OTUD7A: variants seen among roughly 807,000 people sequenced by gnomAD.
OTUD7A encodes OTU domain-containing protein 7A.
In OTUD7A, 12 loss-of-function variants were observed where a neutral mutation model predicts 65.7. That is an observed-to-expected ratio of 0.18 (90% CI 0.12 to 0.30). OTUD7A has a LOEUF of 0.30. OTUD7A is among the 10% of genes least tolerant of loss of function. The pLI, the probability that OTUD7A is intolerant of heterozygous loss-of-function variation, is 1.00. For missense variants in OTUD7A, 1,148 were observed against 1,304.8 expected (o/e 0.88, Z 1.85); for synonymous variants, 641 against 586.3 (o/e 1.09, Z -1.35).
chr15:31,761,123 G>T (rs1055636265), intron 1 of OTUD7A, among the ~76,000 whole-genome samples: 2 of 152,118 alleles, frequency 1.3e-5, no homozygotes, highest in South Asian at 4.2e-4. Context: ...CTTGAGTTAG[G>T]CAATAATTTT....
At chr15:31,696,118 G>T (rs866633456) in intron 1 of OTUD7A, among the ~76,000 whole-genome samples, 4 of 150,956 alleles carry the variant, frequency 2.6e-5, no homozygotes, top group Non-Finnish European at 1.5e-5. Context: ...GTGTAGCTGT[G>T]GGTGTGAGTG....
At chr15:31,822,711 G>A (rs559205134) in intron 1 of OTUD7A, among the ~76,000 whole-genome samples, 2 of 152,342 alleles carry the variant, frequency 1.3e-5, no homozygotes, top group East Asian at 3.9e-4. Flanking sequence ...ATCAGCAATT[G>A]TAGAGCCTGA....
At chr15:31,710,063 G>A (rs537345310) in intron 1 of OTUD7A, among the ~76,000 whole-genome samples, 1 of 152,242 alleles carries the variant, frequency 6.6e-6, no homozygotes, top group South Asian at 2.1e-4. Context: ...AAAAGAATAC[G>A]ACAAATAGAG....
chr15:31,609,115 G>T (rs1890322709), intron 3 of OTUD7A, among the ~76,000 whole-genome samples: 1 of 152,216 alleles, frequency 6.6e-6, no homozygotes, highest in Admixed American at 6.5e-5. Context: ...CCCCAAGCAG[G>T]CCATTCTTGC....
At chr15:31,631,221 T>C (rs1891142003) in intron 3 of OTUD7A, among the ~76,000 whole-genome samples, 1 of 152,190 alleles carries the variant, frequency 6.6e-6, no homozygotes. Context: ...TTGCAGTGGC[T>C]GGTACCAGTT....
At chr15:31,854,858 C>A (rs945668620) in intron 1 of OTUD7A, among the ~76,000 whole-genome samples, 1 of 147,268 alleles carries the variant, frequency 6.8e-6, no homozygotes, top group Non-Finnish European at 1.5e-5. Flanking sequence ...CATAAACCAA[C>A]AGAAAGAGAA....
At chr15:31,620,171 G>C (rs1231053736) in intron 3 of OTUD7A, among the ~76,000 whole-genome samples, 1 of 152,210 alleles carries the variant, frequency 6.6e-6, no homozygotes, top group Non-Finnish European at 1.5e-5. Flanking sequence ...CGGTCTGCCA[G>C]TATTTTATTG....
chr15:31,799,526 G>A (rs1325751219), intron 1 of OTUD7A, among the ~76,000 whole-genome samples: 1 of 152,102 alleles, frequency 6.6e-6, no homozygotes, highest in Non-Finnish European at 1.5e-5. Context: ...TATAAGAAGA[G>A]ATTCTGTCCC....
intron 1 of OTUD7A, among the ~76,000 whole-genome samples, chr15:31,757,352 ATT>A (rs1491435422): frequency 6.7e-6 from 1 of 148,662 alleles, no homozygotes; most frequent in African/African-American, 2.5e-5. Flanking sequence ...TAATATATAT[ATT>A]ATATATATAT....
chr15:31,517,037 A>G (rs2141106511), intron 8 of OTUD7A, among the ~76,000 whole-genome samples: 1 of 152,348 alleles, frequency 6.6e-6, no homozygotes, highest in East Asian at 1.9e-4. Flanking sequence ...TCAGGTAAGA[A>G]AAAACTAGAC....
intron 5 of OTUD7A, chr15:31,558,716 C>T: frequency 1.7e-6 from 1 of 573,552 alleles, no homozygotes; most frequent in Non-Finnish European, 3.1e-6. Flanking sequence ...TAAAGGAGGA[C>T]TGGGATTTAG....
intron 10 of OTUD7A, among the ~76,000 whole-genome samples, chr15:31,493,720 A>C (rs2041348567): frequency 6.6e-6 from 1 of 152,230 alleles, no homozygotes; most frequent in African/African-American, 2.4e-5. Context: ...ACAATCCCCC[A>C]AAACTTGAAA....
intron 1 of OTUD7A, among the ~76,000 whole-genome samples, chr15:31,707,928 A>AG (rs1190775519): frequency 2.0e-5 from 3 of 152,152 alleles, no homozygotes; most frequent in South Asian, 4.1e-4. Flanking sequence ...CTATGGTAAA[A>AG]CATAAATATA....
intron 1 of OTUD7A, among the ~76,000 whole-genome samples, chr15:31,729,953 C>G (rs1893995517): frequency 6.6e-6 from 1 of 152,148 alleles, no homozygotes; most frequent in South Asian, 2.1e-4. Flanking sequence ...CTAATGATTC[C>G]TGTTATGAAC....
intron 1 of OTUD7A, among the ~76,000 whole-genome samples, chr15:31,773,369 A>G (rs1401006569): frequency 6.6e-6 from 1 of 152,202 alleles, no homozygotes; most frequent in Non-Finnish European, 1.5e-5. Context: ...TCCAACATCA[A>G]GGCACCTGCA....
intron 1 of OTUD7A, among the ~76,000 whole-genome samples, chr15:31,741,058 C>G (rs1777739818): frequency 6.6e-6 from 1 of 152,162 alleles, no homozygotes; most frequent in Non-Finnish European, 1.5e-5. Context: ...ACAAAATGCT[C>G]TTAGTACAAA....
At chr15:31,531,520 C>CAAAAAAAAAAA (rs60332452) in intron 5 of OTUD7A, among the ~76,000 whole-genome samples, 9 of 80,134 alleles carry the variant, frequency 1.1e-4, no homozygotes, top group East Asian at 4.8e-4. Flanking sequence ...GAGTAGGCCA[C>CAAAAAAAAAAA]AAAAAAAAAA....
At chr15:31,843,095 T>C (rs373775779) in intron 1 of OTUD7A, among the ~76,000 whole-genome samples, 4 of 152,014 alleles carry the variant, frequency 2.6e-5, no homozygotes, top group South Asian at 4.2e-4. Context: ...CTGGCTGCCC[T>C]TGTGCTCTGT....
chr15:31,580,182 T>G (rs1889330545), intron 3 of OTUD7A, among the ~76,000 whole-genome samples: 1 of 152,108 alleles, frequency 6.6e-6, no homozygotes, highest in South Asian at 2.1e-4. Flanking sequence ...AATGGGCAAG[T>G]ACATTCAAGG....
Sources: allele counts gnomAD v4.1 joint callset (sites outside exome capture counted in the v4.1 genomes callset), GRCh38; gene constraint gnomAD v4.1.1; transcripts MANE v1.5; gene names NCBI Gene and HGNC (gene_info 2026-07-23, HGNC 2026-07-21).